The following B4GALNT2 variants were observed in gnomAD, a reference collection of about 807,000 sequenced individuals.
B4GALNT2 encodes N-acetylneuraminylgalactosylglucosyl-glucoside beta-1,4-N- acetylgalactosaminyltransferase 2.
Under a neutral mutation model 51.1 loss-of-function variants are expected in B4GALNT2, and 42 were observed. The observed-to-expected ratio is 0.82, with a 90% CI of 0.64 to 1.06. The LOEUF (loss-of-function observed/expected upper bound fraction) is 1.06. B4GALNT2 is among the 50% of genes least tolerant of loss of function. B4GALNT2 has a pLI of 0.00. For synonymous variants in B4GALNT2, 253 were observed against 251.7 expected (o/e 1.01, Z -0.05); for missense variants, 602 against 633.6 (o/e 0.95, Z 0.54).
chr17:49,131,233 C>T (rs1029411341), upstream of B4GALNT2, among the ~76,000 whole-genome samples: 6 of 152,128 alleles, frequency 3.9e-5, no homozygotes, highest in East Asian at 5.8e-4. Flanking sequence ...TGCACGTAGT[C>T]GGTACAACAC....
At chr17:49,127,831 G>T (rs1471244894), upstream of B4GALNT2, among the ~76,000 whole-genome samples, 1 of 152,128 alleles carries the variant, frequency 6.6e-6, no homozygotes, top group Non-Finnish European at 1.5e-5. Flanking sequence ...CGGGATTCAT[G>T]GTGCCTTTTT....
At chr17:49,141,490 C>A in intron 2 of B4GALNT2, 43 bp downstream of exon 2, 1 of 1,578,034 alleles carries the variant, frequency 6.3e-7, no homozygotes, top group Non-Finnish European at 8.7e-7. Context: ...ATGCACACAT[C>A]TTCCTTGCTC....
intron 3 of B4GALNT2, among the ~76,000 whole-genome samples, chr17:49,147,378 C>CTT (rs749384820): frequency 7.6e-5 from 8 of 104,834 alleles, no homozygotes; most frequent in East Asian, 1.1e-3. Flanking sequence ...TTCTTTCTTT[C>CTT]TTTTTTTTTT....
chr17:49,156,445 G>A (rs534468972), intron 4 of B4GALNT2, 121 bp from the exon 5 acceptor site: 50 of 1,028,004 alleles, frequency 4.9e-5, no homozygotes, highest in Non-Finnish European at 6.2e-5. Context: ...CACTCTGGGC[G>A]GGAGGTGACA....
At chr17:49,156,019 G>A (rs1336899345) in intron 4 of B4GALNT2, among the ~76,000 whole-genome samples, 2 of 151,966 alleles carry the variant, frequency 1.3e-5, no homozygotes, top group Non-Finnish European at 2.9e-5. Context: ...GAGCCACCGC[G>A]CCCAGCCAAA....
intron 3 of B4GALNT2, among the ~76,000 whole-genome samples, chr17:49,144,923 G>C (rs2042678947): frequency 6.6e-6 from 1 of 152,220 alleles, no homozygotes; most frequent in African/African-American, 2.4e-5. Context: ...TTCGAGGGCA[G>C]GAAGCACCCA....
chr17:49,126,815 C>G, the B4GALNT2 span, among the ~76,000 whole-genome samples: 1 of 152,072 alleles, frequency 6.6e-6, no homozygotes, highest in African/African-American at 2.4e-5. Context: ...TCAAGCTACT[C>G]AACCTCCTGA....
rs1298001811 is a variant in B4GALNT2 at position 49,151,469 on chromosome 17, C to T, written c.354-1331C>T. ...CTTTTGACTAAAGATTGTTATTGGC[C>T]GGGTGTGGTGGCTAACATTTGTAAT... On this transcript the variant is annotated intron_variant, in intron 3 of 10. Coordinates refer to ENST00000393354, the MANE Select transcript of B4GALNT2 (RefSeq NM_001159387.2). Among the ~76,000 whole-genome samples the T allele has an allele frequency of 3.3e-5, 5 of 151,724 alleles. No homozygotes were observed. The East Asian group carries it at 5.8e-4, about 18-fold the overall frequency.
intron 1 of B4GALNT2, among the ~76,000 whole-genome samples, chr17:49,140,724 C>CT (rs1474766675): frequency 6.7e-5 from 3 of 44,754 alleles, no homozygotes; most frequent in Admixed American, 3.7e-4. Context: ...ACATTACTAA[C>CT]CTTTTTTTTT....
chr17:49,146,092 A>G (rs1045480469), intron 3 of B4GALNT2, among the ~76,000 whole-genome samples: 1 of 152,074 alleles, frequency 6.6e-6, no homozygotes, highest in Non-Finnish European at 1.5e-5. Flanking sequence ...AATCCTGGCC[A>G]TGGGAGAATC....
intron 1 of B4GALNT2, chr17:49,133,146 C>A: frequency 6.5e-7 from 1 of 1,528,362 alleles, no homozygotes; most frequent in African/African-American, 1.4e-5. Flanking sequence ...CTTCGGGGCT[C>A]TCTGCTTGGA....
chr17:49,169,334 T>G (rs2042940062), intron 10 of B4GALNT2, among the ~76,000 whole-genome samples, 189 bp from the exon 11 acceptor site: 1 of 152,178 alleles, frequency 6.6e-6, no homozygotes. Context: ...GAAATGAGCT[T>G]ATTTATTTCC....
intron 3 of B4GALNT2, among the ~76,000 whole-genome samples, chr17:49,147,836 A>G (rs752232927): frequency 1.8e-4 from 27 of 146,958 alleles, no homozygotes; most frequent in Non-Finnish European, 3.8e-4. Context: ...ATATACATGT[A>G]TGTTATATAT....
intron 8 of B4GALNT2, among the ~76,000 whole-genome samples, chr17:49,165,171 G>A (rs1356459808): frequency 6.6e-6 from 1 of 151,978 alleles, no homozygotes; most frequent in Non-Finnish European, 1.5e-5. Flanking sequence ...AGCGACTTGA[G>A]GTCTCTGACA....
In B4GALNT2 at chr17:49,169,562, C is replaced by A; in HGVS notation, c.1355C>A (p.Ser452Ter). 1 of 1,612,630 alleles carries A rather than the reference C, an allele frequency of 6.2e-7. No individual in the cohort carries two copies. The highest frequency in any genetic ancestry group is 8.5e-7 in the Non-Finnish European group (1 of 1,180,022). ...IDGLGTLLVG[S>*]CPEVIIGHQS... ...GGGCTAGGGACCCTACTCGTGGGGTCATGCCCAGAAGTGATTATAGGTCAC... is the reference window on the plus strand; with the variant it reads ...GGGCTAGGGACCCTACTCGTGGGGTAATGCCCAGAAGTGATTATAGGTCAC... Residue 452 changes from serine to a stop codon, truncating the protein, a stop_gained, in exon 11 of 11, where the codon TCA becomes TAA. Transcript: ENST00000393354. LOFTEE classifies it low-confidence loss of function (END_TRUNC).
intron 10 of B4GALNT2, among the ~76,000 whole-genome samples, chr17:49,169,321 T>C (rs1034280427): frequency 6.6e-5 from 10 of 152,214 alleles, no homozygotes; most frequent in Non-Finnish European, 5.9e-5. Context: ...TATCTCTGCC[T>C]GAGAAATGAG....
At chr17:49,149,935 A>G (rs2042732809) in intron 3 of B4GALNT2, among the ~76,000 whole-genome samples, 2 of 152,236 alleles carry the variant, frequency 1.3e-5, no homozygotes, top group South Asian at 4.1e-4. Flanking sequence ...TTAATGAAAA[A>G]GGTATTCCAT....
chr17:49,148,516 A>G, intron 3 of B4GALNT2: 1 of 342,286 alleles, frequency 2.9e-6, no homozygotes, highest in Non-Finnish European at 5.8e-6. Flanking sequence ...GTCTCTGGAC[A>G]GCTGTGGCAT....
rs1480681874 is a variant in B4GALNT2 at position 49,175,013 on chromosome 17, A to C, written c.*5285A>C. The C allele has an allele frequency of 2.6e-5, 4 of 152,182 alleles. No individual in the cohort carries two copies. The highest frequency in any genetic ancestry group is 9.6e-5 in the African/African-American group (4 of 41,452). 9.4% of individuals were successfully genotyped at this position (152,182 alleles called of 1,614,324 possible). ...ATAAATGTATAGGTACAGAAGTTATAATTGGTTGAATAGTCCCATGTTGTC... is the reference window on the plus strand; with the variant it reads ...ATAAATGTATAGGTACAGAAGTTATCATTGGTTGAATAGTCCCATGTTGTC... On this transcript the variant is annotated 3_prime_UTR_variant, in exon 11 of 11. Transcript: ENST00000393354.
Sources: gnomAD v4.1 joint callset for allele counts (sites outside exome capture counted in the v4.1 genomes callset) on GRCh38, gnomAD v4.1.1 for gene constraint, MANE v1.5 for transcripts, NCBI Gene and HGNC (gene_info 2026-07-23, HGNC 2026-07-21) for gene names.